Variants in RAD54B observed in about 807,000 individuals in gnomAD.
The protein encoded by RAD54B is DNA repair and recombination protein RAD54B.
In RAD54B, 78 loss-of-function variants were observed where a neutral mutation model predicts 95.8. The observed-to-expected ratio is 0.81, with a 90% confidence interval of 0.68 to 0.98. The LOEUF (loss-of-function observed/expected upper bound fraction) is 0.98. Among genes scored for constraint, RAD54B ranks in the 50% least tolerant of loss-of-function variants. The pLI, the probability that RAD54B is intolerant of heterozygous loss-of-function variation, is 0.00. For synonymous variants in RAD54B, 328 were observed against 354.9 expected (o/e 0.92, Z 0.85); for missense variants, 957 against 1,056.6 (o/e 0.91, Z 1.31).
chr8:94,395,476 C>T (rs781079697), intron 8 of RAD54B, among the ~76,000 whole-genome samples: 10 of 152,096 alleles, frequency 6.6e-5, no homozygotes, highest in Non-Finnish European at 1.5e-4. Flanking sequence ...ATCAGTCAGT[C>T]GTTGATTGCA....
In RAD54B at chr8:94,389,740, C is replaced by T. The variant is rs1010664671; in HGVS notation, c.1809+1869G>A. ...ATACATGTAGAAGGCTCATTTCTGC[C>T]CTTTTATATCAATCCTTATTTGCTA... On this transcript the variant is annotated intron_variant, in intron 10 of 14. Coordinates refer to ENST00000336148, the MANE Select transcript of RAD54B (RefSeq NM_012415.3). Among the ~76,000 whole-genome samples, 7 of 152,242 alleles carry T rather than the reference C, an allele frequency of 4.6e-5. No homozygotes were observed. The South Asian group carries it at 1.5e-3, about 32-fold the overall frequency.
At chr8:94,454,978 C>G (rs1032810877) in intron 3 of RAD54B, among the ~76,000 whole-genome samples, 1 of 152,170 alleles carries the variant, frequency 6.6e-6, no homozygotes, top group Non-Finnish European at 1.5e-5. Context: ...CCACTCTTCA[C>G]TACCTTTTTC....
chr8:94,433,709 T>A (rs369744426), intron 3 of RAD54B, among the ~76,000 whole-genome samples: 1 of 151,906 alleles, frequency 6.6e-6, no homozygotes, highest in African/African-American at 2.4e-5. Context: ...GTTGTTTTTT[T>A]TAATTTATGC....
At chr8:94,397,733 T>C (rs1811181599) in intron 8 of RAD54B, among the ~76,000 whole-genome samples, 1 of 152,142 alleles carries the variant, frequency 6.6e-6, no homozygotes, top group South Asian at 2.1e-4. Flanking sequence ...CTCTTCTTTT[T>C]TATTTATTTT....
At chr8:94,472,143 T>C (rs1186367173) in intron 1 of RAD54B, among the ~76,000 whole-genome samples, 1 of 152,208 alleles carries the variant, frequency 6.6e-6, no homozygotes, top group Non-Finnish European at 1.5e-5. Context: ...TCTCTATTAG[T>C]ATAATCTTTA....
intron 3 of RAD54B, among the ~76,000 whole-genome samples, chr8:94,419,644 T>C (rs1288948290): frequency 1.3e-5 from 2 of 151,940 alleles, no homozygotes; most frequent in African/African-American, 4.8e-5. Context: ...CATTTAATAT[T>C]TTCTTTAATA....
In RAD54B at chr8:94,467,472, G is replaced by A. The variant is rs1813056502; in HGVS notation, c.68C>T (p.Pro23Leu). 2 of 1,613,476 alleles carry A rather than the reference G, an allele frequency of 1.2e-6. No individual in the cohort carries two copies. The highest frequency in any genetic ancestry group is 1.7e-6 in the Non-Finnish European group (2 of 1,179,718). The change falls in exon 2 of 15, where the codon CCA (proline) becomes CTA (leucine). Residue 23 changes from proline (P) to leucine (L), a missense_variant. Pro to Leu is a moderately conservative substitution (Grantham distance 98). Coordinates refer to ENST00000336148, the MANE Select transcript of RAD54B (RefSeq NM_012415.3). ...NSFKKPKFIP[P>L]GRSNPGLNEE... ...ATTCAGACCTGGATTACTTCTTCCT[G>A]GAGGTATAAATTTTGGTTTTTTGAA... is the stretch of plus-strand genomic sequence containing the variant.
intron 3 of RAD54B, among the ~76,000 whole-genome samples, chr8:94,424,535 G>A (rs1172440472): frequency 2.0e-5 from 3 of 152,082 alleles, no homozygotes; most frequent in East Asian, 1.9e-4. Context: ...AAACAAGATC[G>A]TTGGGAACAT....
chr8:94,391,332 A>G (rs1337081602), intron 10 of RAD54B, among the ~76,000 whole-genome samples: 3 of 151,590 alleles, frequency 2.0e-5, no homozygotes, highest in Non-Finnish European at 4.4e-5. Context: ...ACGATCGCCA[A>G]GTATTAGATA....
At chr8:94,408,998 T>C (rs1321480983) in intron 4 of RAD54B, among the ~76,000 whole-genome samples, 2 of 151,944 alleles carry the variant, frequency 1.3e-5, no homozygotes, top group East Asian at 3.9e-4. Context: ...TTTCACATAC[T>C]GGTTTTTTTT....
At chr8:94,465,987 G>A (rs1365750105) in intron 2 of RAD54B, among the ~76,000 whole-genome samples, 1 of 152,176 alleles carries the variant, frequency 6.6e-6, no homozygotes, top group Non-Finnish European at 1.5e-5. Flanking sequence ...AAGTAGAATC[G>A]TGGTTATCAG....
chr8:94,462,028 A>C (rs1222146360), intron 2 of RAD54B, among the ~76,000 whole-genome samples: 4 of 152,134 alleles, frequency 2.6e-5, no homozygotes, highest in African/African-American at 9.7e-5. Flanking sequence ...CTCTAACTTC[A>C]TTCATCGTTT....
Position 94,411,307 on chromosome 8 carries a change from C to T in RAD54B, c.313G>A (p.Ala105Thr). Reference protein sequence around the residue: ...TLDPPHTVHSAPKEVAVSKEQ... With the variant: ...TLDPPHTVHSTPKEVAVSKEQ... ...TTGGACACTGCTACTTCTTTAGGAG[C>T]CGAATGAACTACAATTAAAAAAAAA... The change falls in exon 4 of 15, where the codon GCT becomes ACT. Residue 105 changes from alanine (A) to threonine (T), a missense_variant. Ala to Thr is a moderately conservative substitution (Grantham distance 58, BLOSUM62 0). Transcript: ENST00000336148. 2 of 1,558,494 alleles carry T rather than the reference C, an allele frequency of 1.3e-6. No homozygotes were observed. Among genetic ancestry groups the T allele is most frequent in the South Asian group, 1.2e-5 (1 of 81,002 alleles).
chr8:94,443,413 A>G (rs748757764), intron 3 of RAD54B, among the ~76,000 whole-genome samples: 2 of 152,148 alleles, frequency 1.3e-5, no homozygotes, highest in Non-Finnish European at 2.9e-5. Flanking sequence ...ACCAGAGTAC[A>G]CATCTACCTA....
intron 3 of RAD54B, among the ~76,000 whole-genome samples, chr8:94,449,184 T>G (rs1001777034): frequency 2.1e-5 from 3 of 144,542 alleles, no homozygotes; most frequent in African/African-American, 7.8e-5. Flanking sequence ...ACCACACCCT[T>G]CCCCCCCGCC....
chr8:94,430,873 C>T, intron 3 of RAD54B: 1 of 985,410 alleles, frequency 1.0e-6, no homozygotes, highest in Non-Finnish European at 1.2e-6. Context: ...GATACTACAG[C>T]CCAAATTGAC....
rs1210112144 is a variant in RAD54B, at chr8:94,395,877, G to A, written c.1379-1995C>T. Reference sequence around the variant, plus strand: ...CATAACCAGAATCCTTGATGACAACGTTGGGTTGTTGTAGCCTGGCCTACC... The same window carrying A: ...CATAACCAGAATCCTTGATGACAACATTGGGTTGTTGTAGCCTGGCCTACC... On this transcript the variant is annotated intron_variant, in intron 8 of 14. Transcript: ENST00000336148. Among the ~76,000 whole-genome samples the A allele has an allele frequency of 7.2e-5, 11 of 152,156 alleles. No individual in the cohort carries two copies. The South Asian group carries it at 2.3e-3, about 31-fold the overall frequency.
At chr8:94,413,720 T>G (rs2130046219) in intron 3 of RAD54B, among the ~76,000 whole-genome samples, 1 of 152,312 alleles carries the variant, frequency 6.6e-6, no homozygotes, top group Non-Finnish European at 1.5e-5. Flanking sequence ...TTAAAACTTT[T>G]GCTTTTTGAA....
In RAD54B at chr8:94,387,133, A is replaced by G; in HGVS notation, c.1836T>C (p.Asp612=). 1.2e-6 allele frequency: 2 copies of G among 1,600,432 alleles called. No homozygotes were observed. The highest frequency in any genetic ancestry group is 1.7e-4 in the Middle Eastern group (1 of 6,006). Reference sequence around the variant, plus strand: ...TGTATAGACTCTTTTCTTCATTTTTATCACAAGTTGAGCTACATTCCTTTT... The same window carrying G: ...TGTATAGACTCTTTTCTTCATTTTTGTCACAAGTTGAGCTACATTCCTTTT... The part of the protein sequence containing the change: ...IKEKECSSTC[D]KNEEKSLYKG... The change falls in exon 11 of 15, where the codon GAT becomes GAC. Residue 612 remains aspartate (D), a synonymous_variant. Transcript: ENST00000336148.
Sources: gnomAD v4.1 joint callset for allele counts (sites outside exome capture counted in the v4.1 genomes callset) on GRCh38, gnomAD v4.1.1 for gene constraint, MANE v1.5 for transcripts, NCBI Gene and HGNC (gene_info 2026-07-23, HGNC 2026-07-21) for gene names.